The following TPH2 variants were observed in gnomAD, a reference collection of about 807,000 sequenced individuals.
The protein encoded by TPH2 is tryptophan hydroxylase 2.
TPH2 carries 27 observed loss-of-function variants against 59.1 expected under a neutral mutation model. The ratio of observed to expected loss-of-function variants is 0.46; its 90% confidence interval spans 0.34 to 0.63. The LOEUF (loss-of-function observed/expected upper bound fraction) is 0.63. TPH2 is among the 30% of genes least tolerant of loss of function. The pLI, the probability that TPH2 is intolerant of heterozygous loss-of-function variation, is 0.01. For missense variants in TPH2, 523 were observed against 588.3 expected (o/e 0.89, Z 1.15); for synonymous variants, 220 against 210.5 (o/e 1.05, Z -0.39).
Position 72,012,173 on chromosome 12 carries a change from T to TCAACAACAACAA in TPH2, c.1069-10213_1069-10202dup, listed in dbSNP as rs58438005. Among the ~76,000 whole-genome samples the TCAACAACAACAA allele has an allele frequency of 1.4e-3, 212 of 151,652 alleles. 1 individual carries two copies. The South Asian group carries it at 0.02, about 14-fold the overall frequency. On this transcript the variant is annotated intron_variant, in intron 8 of 10. Transcript: ENST00000333850. ...AGGCAGGATGATAGAGAGCAGGAAT[T>TCAACAACAACAA]CAACAACAACAACAACAACAACAAT...
At chr12:71,954,646 T>A (rs1393915718) in intron 5 of TPH2, among the ~76,000 whole-genome samples, 1 of 152,190 alleles carries the variant, frequency 6.6e-6, no homozygotes, top group African/African-American at 2.4e-5. Flanking sequence ...CTGTCCAGTT[T>A]TCTCTCTTTA....
intron 10 of TPH2, 36 bp from the exon 11 acceptor site, chr12:72,031,485 T>C: frequency 5.0e-6 from 8 of 1,613,212 alleles, no homozygotes; most frequent in Non-Finnish European, 6.8e-6. Flanking sequence ...CAATGAGGGT[T>C]GATCACATCT....
chr12:72,018,297 C>T (rs1476075980), intron 8 of TPH2, among the ~76,000 whole-genome samples: 1 of 152,178 alleles, frequency 6.6e-6, no homozygotes, highest in Non-Finnish European at 1.5e-5. Flanking sequence ...CACAGGGGCT[C>T]TTTTCCTCTG....
intron 5 of TPH2, among the ~76,000 whole-genome samples, chr12:71,951,880 C>G (rs1469343012): frequency 1.3e-5 from 2 of 152,074 alleles, no homozygotes; most frequent in Non-Finnish European, 2.9e-5. Context: ...ACAAAATTAA[C>G]CAGGCATGGT....
chr12:71,939,675 T>A (rs1871002629), intron 1 of TPH2, among the ~76,000 whole-genome samples: 1 of 152,224 alleles, frequency 6.6e-6, no homozygotes, highest in Non-Finnish European at 1.5e-5. Flanking sequence ...GTTTACTTGA[T>A]GGAATAATGA....
At chr12:71,983,221 TCACTG>T (rs1872334109) in intron 7 of TPH2, among the ~76,000 whole-genome samples, 6 of 152,164 alleles carry the variant, frequency 3.9e-5, no homozygotes, top group Non-Finnish European at 7.3e-5. Flanking sequence ...GATTGAAAGG[TCACTG>T]ATCTGCTAGA....
chr12:71,997,963 C>A (rs947164851), intron 8 of TPH2, among the ~76,000 whole-genome samples: 2 of 152,132 alleles, frequency 1.3e-5, no homozygotes, highest in Non-Finnish European at 2.9e-5. Context: ...GGGGCAGGAG[C>A]TAGAAGAGAT....
chr12:71,960,344 A>C (rs888894376), intron 5 of TPH2, among the ~76,000 whole-genome samples: 2 of 152,244 alleles, frequency 1.3e-5, no homozygotes, highest in African/African-American at 4.8e-5. Flanking sequence ...ACACAGGTTG[A>C]AAACAAGACC....
At chr12:71,998,184 CT>C (rs1311620469) in intron 8 of TPH2, among the ~76,000 whole-genome samples, 1 of 152,160 alleles carries the variant, frequency 6.6e-6, no homozygotes, top group Non-Finnish European at 1.5e-5. Flanking sequence ...TCACTCATTT[CT>C]CTTTTCTTGA....
chr12:71,972,760 T>C (rs1027639970), intron 6 of TPH2, 45 bp downstream of exon 6: 78 of 1,584,870 alleles, frequency 4.9e-5, no homozygotes, highest in Non-Finnish European at 6.4e-5. Context: ...ATATCCTCAA[T>C]TGCCTTCCAA....
At chr12:71,957,552 G>A (rs1251956536) in intron 5 of TPH2, among the ~76,000 whole-genome samples, 1 of 151,878 alleles carries the variant, frequency 6.6e-6, no homozygotes, top group Non-Finnish European at 1.5e-5. Context: ...GCCCAGGCTA[G>A]TCTTGAACTC....
At chr12:72,017,878 GCAAT>G (rs376622530) in intron 8 of TPH2, among the ~76,000 whole-genome samples, 6 of 152,288 alleles carry the variant, frequency 3.9e-5, no homozygotes, top group African/African-American at 1.4e-4. Context: ...CCAGACTGTA[GCAAT>G]CAATGTGTGG....
chr12:72,026,875 C>G (rs181383834), intron 9 of TPH2, among the ~76,000 whole-genome samples: 471 of 152,170 alleles, frequency 3.1e-3, no homozygotes, highest in Non-Finnish European at 5.4e-3. Context: ...GCAGGATGAG[C>G]CTTTGAGGGA....
chr12:71,952,116 T>TGGTAATA (rs1871365417), intron 5 of TPH2, among the ~76,000 whole-genome samples: 1 of 152,210 alleles, frequency 6.6e-6, no homozygotes, highest in Non-Finnish European at 1.5e-5. Context: ...GAGGAGTCAT[T>TGGTAATA]TGGTTTTAAA....
intron 8 of TPH2, among the ~76,000 whole-genome samples, chr12:72,003,551 CT>C (rs1485552956): frequency 6.6e-6 from 1 of 152,184 alleles, no homozygotes; most frequent in Non-Finnish European, 1.5e-5. Flanking sequence ...ACTACCTTAT[CT>C]TGGTCTTCCT....
chr12:71,944,806 A>G lies in TPH2; in HGVS notation c.540+120A>G, dbSNP rs190972647. The stretch of plus-strand genomic sequence containing the variant: ...TAGAACAATTTATTATTTATTCCCC[A>G]TAACTGAGAGCAGACTTCCAAATGA... On this transcript the variant is annotated intron_variant, in intron 4 of 10. Transcript: ENST00000333850. The G allele has an allele frequency of 1.4e-3, 1,383 of 965,584 alleles. 6 individuals are homozygous for G. Among genetic ancestry groups the G allele is most frequent in the Non-Finnish European group, 1.8e-3 (1,106 of 613,034 alleles). The allele number at this position is 965,584 out of a possible 1,614,324, so 59.8% of individuals were successfully genotyped here.
At chr12:71,950,261 C>T (rs1056478470) in intron 5 of TPH2, among the ~76,000 whole-genome samples, 2 of 152,154 alleles carry the variant, frequency 1.3e-5, no homozygotes, top group African/African-American at 2.4e-5. Flanking sequence ...TGTGAAGAGA[C>T]CACCAAACAG....
intron 8 of TPH2, among the ~76,000 whole-genome samples, chr12:72,009,073 A>C (rs1322455874): frequency 6.6e-6 from 1 of 152,140 alleles, no homozygotes. Context: ...ACAGAAACAA[A>C]AACAAAACCA....
chr12:72,003,981 T>G (rs530531130), intron 8 of TPH2, among the ~76,000 whole-genome samples: 20 of 152,334 alleles, frequency 1.3e-4, no homozygotes, highest in African/African-American at 4.6e-4. Flanking sequence ...TAACTCTTTA[T>G]TCTCTGTTCA....
Sources: gnomAD v4.1 joint callset for allele counts (sites outside exome capture counted in the v4.1 genomes callset) on GRCh38, gnomAD v4.1.1 for gene constraint, MANE v1.5 for transcripts, NCBI Gene and HGNC (gene_info 2026-07-23, HGNC 2026-07-21) for gene names.